Variants in KLHL2 observed in about 807,000 individuals in gnomAD.
KLHL2 encodes the protein kelch-like protein 2.
Under a neutral mutation model 75.8 loss-of-function variants are expected in KLHL2, and 15 were observed. The ratio of observed to expected loss-of-function variants is 0.20; its 90% CI spans 0.13 to 0.30. The LOEUF is 0.30. KLHL2 is among the 10% of genes least tolerant of loss of function. The pLI is 1.00. For synonymous variants in KLHL2, 214 were observed against 251.9 expected, an observed-to-expected ratio of 0.85 and a Z score of 1.42; for missense variants, 381 against 741.0, an observed-to-expected ratio of 0.51 and a Z score of 5.64.
intron 5 of KLHL2, among the ~76,000 whole-genome samples, chr4:165,269,401 T>C (rs1742499733): frequency 1.3e-5 from 2 of 152,198 alleles, no homozygotes; most frequent in Admixed American, 1.3e-4. Flanking sequence ...AGTTTCTTCA[T>C]AGCATCCATG....
At chr4:165,232,859 G>C (rs1207665971) in intron 3 of KLHL2, among the ~76,000 whole-genome samples, 1 of 145,066 alleles carries the variant, frequency 6.9e-6, no homozygotes, top group Non-Finnish European at 1.5e-5. Flanking sequence ...TGTTTTTCAT[G>C]GTCTGAAACC....
At chr4:165,280,473 T>C (rs1743579936) in intron 5 of KLHL2, among the ~76,000 whole-genome samples, 1 of 152,212 alleles carries the variant, frequency 6.6e-6, no homozygotes. Context: ...GCCACCCTCT[T>C]GAAAGAAATT....
At chr4:165,311,361 C>A in intron 10 of KLHL2, 103 bp from the exon 11 acceptor site, 1 of 745,034 alleles carries the variant, frequency 1.3e-6, no homozygotes, top group Non-Finnish European at 2.2e-6. Context: ...ATTTTCTTCT[C>A]TTAATTTTAG....
chr4:165,214,329 A>G (rs1411916084), intron 1 of KLHL2, among the ~76,000 whole-genome samples: 1 of 152,176 alleles, frequency 6.6e-6, no homozygotes, highest in Non-Finnish European at 1.5e-5. Context: ...CCTCACAAAT[A>G]TCCCACTCTG....
In KLHL2 at chr4:165,311,558, T is replaced by A. The variant is rs1342732441; in HGVS notation, c.1332T>A (p.Val444=). The change falls in exon 11 of 15, where the codon GTT becomes GTA. Residue 444 remains valine (V), a synonymous_variant. Transcript: ENST00000226725. ...NTRRSSVGVG[V]VGGLLYAVGG... The stretch of plus-strand genomic sequence containing the variant: ...GGAGGAGCAGTGTTGGTGTGGGTGT[T>A]GTTGGAGGTAGGTGTTGACAGTTCT... 4 of 1,612,118 alleles carry A rather than the reference T, an allele frequency of 2.5e-6. No homozygotes were observed. Among genetic ancestry groups the A allele is most frequent in the Non-Finnish European group, 3.4e-6 (4 of 1,178,392 alleles).
At chr4:165,291,502 G>T (rs1271887818) in intron 5 of KLHL2, among the ~76,000 whole-genome samples, 2 of 152,140 alleles carry the variant, frequency 1.3e-5, no homozygotes, top group African/African-American at 4.8e-5. Flanking sequence ...GTTAATTTTT[G>T]TGAGAAGTGG....
intron 4 of KLHL2, among the ~76,000 whole-genome samples, chr4:165,257,135 A>G (rs1741241498): frequency 6.6e-6 from 1 of 152,194 alleles, no homozygotes; most frequent in Admixed American, 6.5e-5. Flanking sequence ...TCCATTGTGT[A>G]ATATAACAGC....
chr4:165,279,363 C>G (rs762249947), intron 5 of KLHL2: 78 of 1,582,542 alleles, frequency 4.9e-5, no homozygotes, highest in Non-Finnish European at 6.7e-5. Flanking sequence ...ACGGTGGTTT[C>G]CCTCTGGTTG....
Position 165,281,211 on chromosome 4 carries a change from G to A in KLHL2, c.545-13148G>A, listed in dbSNP as rs139147774. On this transcript the variant is annotated intron_variant, in intron 5 of 14. Coordinates refer to ENST00000226725, the MANE Select transcript of KLHL2 (RefSeq NM_007246.4). ...AAAGGGTACTTTGTACCTTATTACA[G>A]GATACAAAACAGAACAAATAACACT... is the stretch of plus-strand genomic sequence containing the variant. Among the ~76,000 whole-genome samples, 1,468 of 151,846 alleles carry A rather than the reference G, an allele frequency of 9.7e-3. 22 individuals are homozygous for A. The highest frequency in any genetic ancestry group is 0.032 in the African/African-American group (1,311 of 41,406).
At chr4:165,304,318 C>T (rs986067003) in intron 8 of KLHL2, among the ~76,000 whole-genome samples, 6 of 152,196 alleles carry the variant, frequency 3.9e-5, no homozygotes, top group Non-Finnish European at 7.4e-5. Flanking sequence ...GATTTGCTCT[C>T]TGATTCAGGA....
intron 4 of KLHL2, among the ~76,000 whole-genome samples, chr4:165,250,756 C>G (rs577877322): frequency 1.3e-5 from 2 of 152,198 alleles, no homozygotes; most frequent in East Asian, 3.9e-4. Flanking sequence ...AAAAGAATAA[C>G]TCATTAAAAT....
At chr4:165,290,110 TA>T (rs1219925669) in intron 5 of KLHL2, among the ~76,000 whole-genome samples, 1 of 152,214 alleles carries the variant, frequency 6.6e-6, no homozygotes, top group Non-Finnish European at 1.5e-5. Flanking sequence ...AGCTTTTCAT[TA>T]AAATGAATTT....
At chr4:165,233,239 G>A (rs1457409508) in intron 3 of KLHL2, among the ~76,000 whole-genome samples, 1 of 152,168 alleles carries the variant, frequency 6.6e-6, no homozygotes, top group East Asian at 1.9e-4. Flanking sequence ...TGAAGTATGG[G>A]CCTATTTAGA....
At position 165,272,830 on chromosome 4, in the gene KLHL2, T is replaced by G. The variant is rs138404409; in HGVS notation, c.544+9471T>G. Reference sequence around the variant, plus strand: ...TTCCACCAGAATTAGAACACTTCTGTTTCTTAGTTTGTAGAATCCTCCTTT... The same window carrying G: ...TTCCACCAGAATTAGAACACTTCTGGTTCTTAGTTTGTAGAATCCTCCTTT... On this transcript the variant is annotated intron_variant, in intron 5 of 14. Coordinates refer to ENST00000226725, the MANE Select transcript of KLHL2 (RefSeq NM_007246.4). 1.9e-3 allele frequency among the ~76,000 whole-genome samples: 294 copies of G among 152,294 alleles called. 8 individuals carry two copies. The East Asian group carries it at 0.053, about 28-fold the overall frequency.
chr4:165,223,504 T>C (rs1383466779), intron 2 of KLHL2, among the ~76,000 whole-genome samples: 1 of 152,166 alleles, frequency 6.6e-6, no homozygotes, highest in African/African-American at 2.4e-5. Flanking sequence ...AGGGAGGGAA[T>C]AAACGTCATC....
chr4:165,318,579 C>T (rs1313460911), intron 14 of KLHL2, among the ~76,000 whole-genome samples: 2 of 152,190 alleles, frequency 1.3e-5, no homozygotes, highest in East Asian at 3.8e-4. Context: ...TTAACCATCA[C>T]TGTTGCTTAT....
intron 9 of KLHL2, among the ~76,000 whole-genome samples, chr4:165,308,582 C>A (rs967332027): frequency 6.6e-6 from 1 of 152,152 alleles, no homozygotes; most frequent in Admixed American, 6.5e-5. Flanking sequence ...TGGTAGGGGG[C>A]ACTTCATAGA....
intron 5 of KLHL2, chr4:165,279,585 T>C (rs774666529): frequency 1.2e-6 from 2 of 1,605,296 alleles, no homozygotes; most frequent in Non-Finnish European, 1.7e-6. Flanking sequence ...CGCGTGGAAC[T>C]GGTGCCTTGG....
intron 4 of KLHL2, among the ~76,000 whole-genome samples, chr4:165,260,472 C>T (rs1741564165): frequency 6.6e-6 from 1 of 152,022 alleles, no homozygotes; most frequent in Admixed American, 6.6e-5. Context: ...TTATGAATTT[C>T]GGTCTCCTAA....
Sources: gnomAD v4.1 joint callset for allele counts (sites outside exome capture counted in the v4.1 genomes callset) on GRCh38, gnomAD v4.1.1 for gene constraint, MANE v1.5 for transcripts, NCBI Gene and HGNC (gene_info 2026-07-23, HGNC 2026-07-21) for gene names.